Variants in KLHL36 observed in about 807,000 individuals in gnomAD.
KLHL36 encodes kelch-like protein 36.
KLHL36 carries 35 observed loss-of-function variants against 53.3 expected under a neutral mutation model. The ratio of observed to expected loss-of-function variants is 0.66; its 90% confidence interval spans 0.50 to 0.87. The LOEUF is 0.87. Among genes scored for constraint, KLHL36 ranks in the 40% least tolerant of loss-of-function variants. The pLI, the probability that KLHL36 is intolerant of heterozygous loss-of-function variation, is 0.00. For missense variants in KLHL36, 864 were observed against 897.6 expected (o/e 0.96, Z 0.48); for synonymous variants, 472 against 398.9 (o/e 1.18, Z -2.18).
rs1204382478 is a variant in KLHL36, at chr16:84,663,199, C to T, written c.*1066C>T. ...CCAGTTTTCTGCTTCTAAGTAGTTT[C>T]GTGCTGCTGGGCAAATTCTCGAACA... On this transcript the variant is annotated 3_prime_UTR_variant, in exon 5 of 5. Coordinates refer to ENST00000564996, the MANE Select transcript of KLHL36 (RefSeq NM_024731.4). 4.6e-5 allele frequency: 7 copies of T among 152,262 alleles called. No homozygotes were observed. Among genetic ancestry groups the T allele is most frequent in the Admixed American group, 3.9e-4 (6 of 15,278 alleles). 9.4% of individuals were successfully genotyped at this position (152,262 alleles called of 1,614,324 possible).
In KLHL36 at chr16:84,657,679, G is replaced by T; in HGVS notation, c.872G>T (p.Arg291Leu). The change falls in exon 3 of 5, where the codon CGC becomes CTC. Residue 291 changes from arginine to leucine, a missense_variant. By Grantham distance (102) the Arg-to-Leu change is moderately radical. Transcript: ENST00000564996. Reference sequence around the variant, plus strand: ...ATGCAGACCAAGCGCACGGCGCTGCGCACCAACCAGGAGCGCCTGCTGTTT... The same window carrying T: ...ATGCAGACCAAGCGCACGGCGCTGCTCACCAACCAGGAGCGCCTGCTGTTT... ...PVMQTKRTAL[R>L]TNQERLLFVG... is the part of the protein sequence containing the mutation. The T allele has an allele frequency of 6.2e-7, 1 of 1,612,646 alleles. No individual in the cohort carries two copies.
rs576344738 is a variant in KLHL36 at position 84,663,856 on chromosome 16, A to G, written c.*1723A>G. The G allele has an allele frequency of 6.6e-6, 1 of 152,362 alleles. No homozygotes were observed. Among genetic ancestry groups the G allele is most frequent in the South Asian group, 2.1e-4 (1 of 4,828 alleles). 9.4% of individuals were successfully genotyped at this position (152,362 alleles called of 1,614,324 possible). ...AGAGATGAGAGCATTTTGGGGACTGAAAGCTTCAATAGCCAACTTACTGCC... is the reference window on the plus strand; with the variant it reads ...AGAGATGAGAGCATTTTGGGGACTGGAAGCTTCAATAGCCAACTTACTGCC... On this transcript the variant is annotated 3_prime_UTR_variant, in exon 5 of 5. Coordinates refer to ENST00000564996, the MANE Select transcript of KLHL36 (RefSeq NM_024731.4).
chr16:84,650,703 A>G, intron 1 of KLHL36, 149 bp from the exon 2 acceptor site: 1 of 587,446 alleles, frequency 1.7e-6, no homozygotes, highest in Non-Finnish European at 3.0e-6. Flanking sequence ...CTCGGTGTAA[A>G]AGAGTTCTTT....
rs1021384474 is a variant in KLHL36, at chr16:84,666,264, C to G, written c.*4131C>G. ...TTCCACCTCATCCCTTTCCTCCGGC[C>G]CCTTGATTTGTGCTGGACAACAAAT... On this transcript the variant is annotated 3_prime_UTR_variant, in exon 5 of 5. Coordinates refer to ENST00000564996, the MANE Select transcript of KLHL36 (RefSeq NM_024731.4). The G allele has an allele frequency of 1.3e-5, 2 of 152,144 alleles. No individual in the cohort carries two copies. The highest frequency in any genetic ancestry group is 4.8e-5 in the African/African-American group (2 of 41,430). 9.4% of individuals were successfully genotyped at this position (152,144 alleles called of 1,614,324 possible). A position where few individuals can be genotyped will look rare whatever the true frequency, so the allele number is the denominator to read the frequency against.
chr16:84,662,420 C>A lies in KLHL36; in HGVS notation c.*287C>A. On this transcript the variant is annotated 3_prime_UTR_variant, in exon 5 of 5. Transcript: ENST00000564996. ...TCCTCATGGGTCCTTGCTGACTGTC[C>A]CCCTGAGAGTAGCTGGCACGTGGGT... 1 of 282,836 alleles carries A rather than the reference C, an allele frequency of 3.5e-6. No individual in the cohort carries two copies. The highest frequency in any genetic ancestry group is 6.7e-6 in the Non-Finnish European group (1 of 149,576). 17.5% of individuals were successfully genotyped at this position (282,836 alleles called of 1,614,324 possible). A position where few individuals can be genotyped will look rare whatever the true frequency, so the allele number is the denominator to read the frequency against.
At chr16:84,658,883 T>C (rs988021029) in intron 3 of KLHL36, 8 of 152,040 alleles carry the variant, frequency 5.3e-5, no homozygotes, top group Non-Finnish European at 8.8e-5. Context: ...AAGGTCGAAG[T>C]GTCACCACTG....
chr16:84,653,543 C>T (rs1338539653), intron 2 of KLHL36, among the ~76,000 whole-genome samples: 1 of 152,142 alleles, frequency 6.6e-6, no homozygotes, highest in Admixed American at 6.5e-5. Flanking sequence ...GGATGGATCA[C>T]TTGAAGTCAG....
At position 84,657,354 on chromosome 16, in the gene KLHL36, G is replaced by A. The variant is rs762904256; in HGVS notation, c.547G>A (p.Asp183Asn). Residue 183 changes from aspartate to asparagine, a missense_variant, in exon 3 of 5, where the codon GAC (aspartate) becomes AAC (asparagine). Asp to Asn is a conservative substitution (Grantham distance 23). Transcript: ENST00000564996. ...CTTCGGCACGCTGTCCTTTACGCCC[G>A]ACTTCCTGCAGAACGTCTCCATGCA... ...NHFGTLSFTP[D>N]FLQNVSMQKL... The A allele has an allele frequency of 3.3e-5, 54 of 1,612,042 alleles. 1 individual carries two copies. In the South Asian group the frequency reaches 4.5e-4, roughly 13 times the overall value.
At position 84,664,693 on chromosome 16, in the gene KLHL36, G is replaced by T. The variant is rs931664426; in HGVS notation, c.*2560G>T. On this transcript the variant is annotated 3_prime_UTR_variant, in exon 5 of 5. Coordinates refer to ENST00000564996, the MANE Select transcript of KLHL36 (RefSeq NM_024731.4). ...CTACACTGTGACAAGAAAGGTTTTT[G>T]AGCTTGTTGGGGTCAGTGGATGGGC... is the stretch of plus-strand genomic sequence containing the variant. 6 of 152,218 alleles carry T rather than the reference G, an allele frequency of 3.9e-5. No individual in the cohort carries two copies. Among genetic ancestry groups the T allele is most frequent in the Non-Finnish European group, 8.8e-5 (6 of 68,042 alleles). The allele number at this position is 152,218 out of a possible 1,614,324, so 9.4% of individuals were successfully genotyped here.
At position 84,666,379 on chromosome 16, in the gene KLHL36, G is replaced by T. The variant is rs1198387871; in HGVS notation, c.*4246G>T. On this transcript the variant is annotated 3_prime_UTR_variant, in exon 5 of 5. Coordinates refer to ENST00000564996, the MANE Select transcript of KLHL36 (RefSeq NM_024731.4). ...TGATACAGCTCTAGAATTTCGTGAA[G>T]TTGCATGCAAAGTTGCATGCAGCCC... 6.6e-6 allele frequency: 1 copy of T among 152,074 alleles called. No individual in the cohort carries two copies. Among genetic ancestry groups the T allele is most frequent in the African/African-American group, 2.4e-5 (1 of 41,370 alleles). The allele number at this position is 152,074 out of a possible 1,614,324, so 9.4% of individuals were successfully genotyped here.
chr16:84,660,731 C>T (rs1390806114), intron 4 of KLHL36, among the ~76,000 whole-genome samples: 1 of 152,154 alleles, frequency 6.6e-6, no homozygotes. Context: ...AAGCAGTTCT[C>T]CTGCCTCAGC....
At position 84,664,700 on chromosome 16, in the gene KLHL36, T is replaced by C. The variant is rs1476899725; in HGVS notation, c.*2567T>C. 2 of 152,208 alleles carry C rather than the reference T, an allele frequency of 1.3e-5. No individual in the cohort carries two copies. The highest frequency in any genetic ancestry group is 4.8e-5 in the African/African-American group (2 of 41,446). The allele number at this position is 152,208 out of a possible 1,614,324, so 9.4% of individuals were successfully genotyped here. On this transcript the variant is annotated 3_prime_UTR_variant, in exon 5 of 5. Coordinates refer to ENST00000564996, the MANE Select transcript of KLHL36 (RefSeq NM_024731.4). The stretch of plus-strand genomic sequence containing the variant: ...GTGACAAGAAAGGTTTTTGAGCTTG[T>C]TGGGGTCAGTGGATGGGCACAAGGG...
intron 1 of KLHL36, among the ~76,000 whole-genome samples, chr16:84,650,114 G>T (rs956941013): frequency 6.6e-6 from 1 of 152,094 alleles, no homozygotes; most frequent in Non-Finnish European, 1.5e-5. Context: ...GTGTGACGCC[G>T]GGCAGCTTAT....
chr16:84,651,228 C>T (rs368258453), intron 2 of KLHL36, among the ~76,000 whole-genome samples: 21 of 152,212 alleles, frequency 1.4e-4, no homozygotes, highest in African/African-American at 4.8e-4. Flanking sequence ...GTGGATGGGA[C>T]AGGAAGAAAA....
Position 84,659,437 on chromosome 16 carries a change from A to G in KLHL36, c.1138-323A>G, listed in dbSNP as rs114202295. ...ATTTCATAAAGCCACTAGATCAGCAATTCTGACCCCTGTGACCACAGAGTT... is the reference window on the plus strand; with the variant it reads ...ATTTCATAAAGCCACTAGATCAGCAGTTCTGACCCCTGTGACCACAGAGTT... On this transcript the variant is annotated intron_variant, in intron 3 of 4. Transcript: ENST00000564996. 687 of 293,922 alleles carry G rather than the reference A, an allele frequency of 2.3e-3. 6 individuals are homozygous for G. Among genetic ancestry groups the G allele is most frequent in the African/African-American group, 0.014 (643 of 46,578 alleles). 18.2% of individuals were successfully genotyped at this position (293,922 alleles called of 1,614,324 possible). A position where few individuals can be genotyped will look rare whatever the true frequency, so the allele number is the denominator to read the frequency against.
At chr16:84,651,058 T>A in intron 2 of KLHL36, 128 bp downstream of exon 2, 1 of 737,100 alleles carries the variant, frequency 1.4e-6, no homozygotes, top group Non-Finnish European at 2.2e-6. Flanking sequence ...TAATGACAAG[T>A]AAAGGTGGAA....
chr16:84,650,634 T>C (rs1906809077), intron 1 of KLHL36, among the ~76,000 whole-genome samples: 2 of 152,140 alleles, frequency 1.3e-5, no homozygotes, highest in South Asian at 4.1e-4. Context: ...AGATTTTAGA[T>C]GATAAAGGAA....
intron 2 of KLHL36, among the ~76,000 whole-genome samples, chr16:84,655,141 G>A (rs1907126888): frequency 6.6e-6 from 1 of 152,220 alleles, no homozygotes; most frequent in African/African-American, 2.4e-5. Context: ...TCTGAACTCA[G>A]AAGGAAATGC....
intron 4 of KLHL36, among the ~76,000 whole-genome samples, chr16:84,660,448 G>A (rs376306663): frequency 4.6e-5 from 7 of 152,100 alleles, no homozygotes; most frequent in Admixed American, 6.5e-5. Context: ...TCTCCCCTGC[G>A]TTCCGATGTG....
Sources: gnomAD v4.1 joint callset for allele counts (sites outside exome capture counted in the v4.1 genomes callset) on GRCh38, gnomAD v4.1.1 for gene constraint, MANE v1.5 for transcripts, NCBI Gene and HGNC (gene_info 2026-07-23, HGNC 2026-07-21) for gene names.